XKR6: variants seen among roughly 807,000 people sequenced by gnomAD.
XKR6 encodes XK-related protein 6.
XKR6 carries 22 observed loss-of-function variants against 56.7 expected under a neutral mutation model. The ratio of observed to expected loss-of-function variants is 0.39; its 90% confidence interval spans 0.28 to 0.55. The LOEUF is 0.55. Ranked by LOEUF, XKR6 falls within the 20% of genes least tolerant of loss-of-function variation. XKR6 has a pLI of 0.66. For synonymous variants in XKR6, 524 were observed against 387.8 expected (o/e 1.35, Z -4.13); for missense variants, 852 against 889.0 (o/e 0.96, Z 0.53).
intron 1 of XKR6, among the ~76,000 whole-genome samples, chr8:10,974,492 G>A (rs769348762): frequency 2.6e-5 from 4 of 152,174 alleles, no homozygotes; most frequent in Non-Finnish European, 4.4e-5. Flanking sequence ...CCTGGGCCAC[G>A]GACCCTGCCA....
rs1491486493 is a variant in XKR6, at chr8:11,114,725, A to ATGTGTG, written c.764+85850_764+85851insCACACA. ...TAATGAAGTCAGCTACTTAGATCAC[A>ATGTGTG]TATGTGTGTGTGTGTGTGTGTGTGT... On this transcript the variant is annotated intron_variant, in intron 1 of 2. Transcript: ENST00000416569. 4.5e-3 allele frequency among the ~76,000 whole-genome samples: 349 copies of ATGTGTG among 77,690 alleles called. 4 individuals are homozygous for ATGTGTG. Among genetic ancestry groups the ATGTGTG allele is most frequent in the Middle Eastern group, 0.029 (4 of 138 alleles). The allele number at this position is 77,690 out of a possible 152,430, so 51.0% of individuals were successfully genotyped here.
intron 1 of XKR6, among the ~76,000 whole-genome samples, chr8:10,975,411 GC>G (rs1802525652): frequency 6.6e-6 from 1 of 152,230 alleles, no homozygotes; most frequent in African/African-American, 2.4e-5. Context: ...CAGGTGCACT[GC>G]CCTACAAAGC....
intron 1 of XKR6, among the ~76,000 whole-genome samples, chr8:10,940,361 A>G (rs1458647778): frequency 1.3e-5 from 2 of 152,162 alleles, no homozygotes; most frequent in African/African-American, 4.8e-5. Flanking sequence ...CTCCAGGTTC[A>G]GGGCCCGCAG....
chr8:11,112,175 G>A (rs1238830314), intron 1 of XKR6, among the ~76,000 whole-genome samples: 1 of 152,112 alleles, frequency 6.6e-6, no homozygotes, highest in African/African-American at 2.4e-5. Flanking sequence ...CCTTTAAAGT[G>A]GCATTAGTTC....
At chr8:11,175,683 G>A (rs567925168) in intron 1 of XKR6, 2 of 152,250 alleles carry the variant, frequency 1.3e-5, no homozygotes, top group South Asian at 4.1e-4. Flanking sequence ...ATTAATTTCT[G>A]ATTATCTACC....
At chr8:11,077,843 G>C (rs1183244865) in intron 1 of XKR6, among the ~76,000 whole-genome samples, 1 of 152,192 alleles carries the variant, frequency 6.6e-6, no homozygotes, top group African/African-American at 2.4e-5. Flanking sequence ...GTCACAAGAG[G>C]GGGACCCTGG....
chr8:11,113,860 G>A (rs1799026099), intron 1 of XKR6: 1 of 202,458 alleles, frequency 4.9e-6, no homozygotes, highest in Admixed American at 5.6e-5. Flanking sequence ...ATGTCAGTAT[G>A]TTGTTTAATA....
chr8:10,975,700 G>A (rs924583240), intron 1 of XKR6, among the ~76,000 whole-genome samples: 1 of 152,202 alleles, frequency 6.6e-6, no homozygotes, highest in Admixed American at 6.5e-5. Context: ...CACTGGCAGG[G>A]GGCTGGGAGG....
chr8:11,160,035 C>T (rs570132482), intron 1 of XKR6, among the ~76,000 whole-genome samples: 1 of 152,248 alleles, frequency 6.6e-6, no homozygotes, highest in African/African-American at 2.4e-5. Flanking sequence ...GATATTATCA[C>T]ATTTCATCAA....
chr8:11,090,468 C>T lies in XKR6; in HGVS notation c.764+110108G>A, dbSNP rs144268541. On this transcript the variant is annotated intron_variant, in intron 1 of 2. Coordinates refer to ENST00000416569, the MANE Select transcript of XKR6 (RefSeq NM_173683.4). ...AAAAGCAATGTTGGAAAGGATAGTC[C>T]TGGCAATGACACCAGCAGATGGTAG... Among the ~76,000 whole-genome samples, 609 of 152,030 alleles carry T rather than the reference C, an allele frequency of 4.0e-3. 6 individuals are homozygous for T. Among genetic ancestry groups the T allele is most frequent in the Middle Eastern group, 0.02 (6 of 294 alleles).
intron 1 of XKR6, among the ~76,000 whole-genome samples, chr8:11,168,929 T>C (rs1802224888): frequency 6.6e-6 from 1 of 152,152 alleles, no homozygotes; most frequent in Non-Finnish European, 1.5e-5. Context: ...CTCTGTTGGG[T>C]TCCTGTGGGC....
chr8:11,025,640 T>A (rs1798844282), intron 1 of XKR6, among the ~76,000 whole-genome samples: 1 of 152,240 alleles, frequency 6.6e-6, no homozygotes, highest in Non-Finnish European at 1.5e-5. Context: ...TGCATGGGCC[T>A]CTGATTTCAG....
chr8:11,143,806 G>A (rs960488996), intron 1 of XKR6, among the ~76,000 whole-genome samples: 1 of 152,114 alleles, frequency 6.6e-6, no homozygotes, highest in South Asian at 2.1e-4. Flanking sequence ...CGACTCTGAG[G>A]GCTACCATAA....
chr8:10,952,745 G>C (rs183720636), intron 1 of XKR6, among the ~76,000 whole-genome samples: 20 of 152,312 alleles, frequency 1.3e-4, no homozygotes, highest in Non-Finnish European at 2.8e-4. Flanking sequence ...GATCACGGGG[G>C]CGGATCCTTC....
At chr8:11,186,805 A>G (rs1025512250) in intron 1 of XKR6, among the ~76,000 whole-genome samples, 6 of 152,158 alleles carry the variant, frequency 3.9e-5, no homozygotes, top group Non-Finnish European at 8.8e-5. Flanking sequence ...CCCACGACAA[A>G]CAATACTGTT....
intron 1 of XKR6, among the ~76,000 whole-genome samples, chr8:11,179,122 G>T (rs1802835940): frequency 1.3e-5 from 2 of 148,990 alleles, no homozygotes; most frequent in African/African-American, 5.0e-5. Flanking sequence ...CTCCCAAAGT[G>T]CTGGTATTAC....
At chr8:11,005,113 T>C (rs1396131470) in intron 1 of XKR6, among the ~76,000 whole-genome samples, 1 of 152,038 alleles carries the variant, frequency 6.6e-6, no homozygotes, top group African/African-American at 2.4e-5. Flanking sequence ...ATACTAAGTT[T>C]TTTTCTCATA....
intron 1 of XKR6, among the ~76,000 whole-genome samples, chr8:11,147,654 C>CAAA (rs35057185): frequency 0.031 from 3,101 of 100,488 alleles, 148 homozygotes; most frequent in African/African-American, 0.11. Flanking sequence ...GACTCTGTCT[C>CAAA]AAAAAAAAAA....
intron 1 of XKR6, among the ~76,000 whole-genome samples, chr8:10,969,177 G>C (rs1391646312): frequency 1.3e-5 from 2 of 152,134 alleles, no homozygotes; most frequent in African/African-American, 2.4e-5. Context: ...TTTTTTACAA[G>C]CACTGCAGGG....
Sources: gnomAD v4.1 joint callset for allele counts (sites outside exome capture counted in the v4.1 genomes callset) on GRCh38, gnomAD v4.1.1 for gene constraint, MANE v1.5 for transcripts, NCBI Gene and HGNC (gene_info 2026-07-23, HGNC 2026-07-21) for gene names.